Variants in SNTG1 observed in about 807,000 individuals in gnomAD.
The protein encoded by SNTG1 is gamma-1-syntrophin.
A neutral mutation model predicts 74.7 loss-of-function variants in SNTG1; 39 were observed. The observed-to-expected ratio is 0.52, with a 90% CI of 0.40 to 0.68. The LOEUF is 0.68. SNTG1 is among the 30% of genes least tolerant of loss of function. The pLI is 0.00. For synonymous variants in SNTG1, 254 were observed against 217.1 expected (o/e 1.17, Z -1.49); for missense variants, 685 against 609.5 (o/e 1.12, Z -1.30).
chr8:50,479,287 G>C (rs1263092190), intron 8 of SNTG1, among the ~76,000 whole-genome samples: 1 of 151,674 alleles, frequency 6.6e-6, no homozygotes, highest in Non-Finnish European at 1.5e-5. Flanking sequence ...GAATTTAATA[G>C]AACTTGGGCA....
At chr8:50,723,478 C>G (rs1162472279) in intron 17 of SNTG1, among the ~76,000 whole-genome samples, 1 of 152,112 alleles carries the variant, frequency 6.6e-6, no homozygotes, top group Non-Finnish European at 1.5e-5. Flanking sequence ...CATGCCTTCT[C>G]TAAAGTTGGG....
chr8:50,160,125 C>A (rs1307916519), intron 1 of SNTG1, among the ~76,000 whole-genome samples: 1 of 152,172 alleles, frequency 6.6e-6, no homozygotes, highest in African/African-American at 2.4e-5. Context: ...TGCTCTTGGG[C>A]ATTGCACTTA....
chr8:50,143,398 G>A (rs554342938), intron 1 of SNTG1, among the ~76,000 whole-genome samples: 8 of 152,222 alleles, frequency 5.3e-5, no homozygotes, highest in African/African-American at 1.4e-4. Flanking sequence ...ATGGAAATGG[G>A]GAATACAATT....
At chr8:50,388,714 T>C (rs186115442) in intron 2 of SNTG1, among the ~76,000 whole-genome samples, 3 of 152,330 alleles carry the variant, frequency 2.0e-5, no homozygotes, top group Middle Eastern at 6.8e-3. Flanking sequence ...AAACTCATGC[T>C]TGCTTCTGAG....
At chr8:50,273,986 A>G (rs987178793) in intron 2 of SNTG1, among the ~76,000 whole-genome samples, 5 of 152,102 alleles carry the variant, frequency 3.3e-5, no homozygotes, top group Admixed American at 3.3e-4. Context: ...TTAATTAAAT[A>G]TTTATCTAAT....
intron 17 of SNTG1, chr8:50,747,650 G>A (rs1427288718): frequency 1.3e-5 from 2 of 151,912 alleles, no homozygotes; most frequent in Middle Eastern, 3.4e-3. Flanking sequence ...TTTTGATCTT[G>A]TTTTAGTATT....
At chr8:50,742,757 G>GA (rs999369754) in intron 17 of SNTG1, among the ~76,000 whole-genome samples, 12 of 151,522 alleles carry the variant, frequency 7.9e-5, no homozygotes, top group Admixed American at 6.6e-4. Flanking sequence ...TTGGTTCCTT[G>GA]AAAAAATAAC....
intron 2 of SNTG1, among the ~76,000 whole-genome samples, chr8:50,370,298 C>T (rs758124032): frequency 1.8e-4 from 28 of 152,132 alleles, no homozygotes; most frequent in South Asian, 2.1e-4. Flanking sequence ...TACCACTCTG[C>T]GACTGGCTGA....
intron 8 of SNTG1, among the ~76,000 whole-genome samples, chr8:50,487,256 C>T (rs1354687542): frequency 6.6e-6 from 1 of 152,140 alleles, no homozygotes; most frequent in East Asian, 1.9e-4. Context: ...TAAACTAGTT[C>T]AACCATTGTG....
intron 13 of SNTG1, among the ~76,000 whole-genome samples, chr8:50,651,492 T>G (rs1290955333): frequency 6.6e-6 from 1 of 152,122 alleles, no homozygotes; most frequent in African/African-American, 2.4e-5. Flanking sequence ...ATTTTCGCTC[T>G]TGTTGCCCAG....
intron 1 of SNTG1, among the ~76,000 whole-genome samples, chr8:49,920,947 C>T (rs1050991485): frequency 2.6e-5 from 4 of 152,034 alleles, no homozygotes; most frequent in African/African-American, 9.7e-5. Flanking sequence ...GGTAAATGCT[C>T]ACATATGTAA....
At chr8:50,638,280 T>C (rs1480050693) in intron 13 of SNTG1, among the ~76,000 whole-genome samples, 1 of 152,104 alleles carries the variant, frequency 6.6e-6, no homozygotes, top group African/African-American at 2.4e-5. Context: ...AACTGTAAGA[T>C]AATACATTTG....
chr8:50,276,872 C>T (rs2088142244), intron 2 of SNTG1, among the ~76,000 whole-genome samples: 1 of 151,870 alleles, frequency 6.6e-6, no homozygotes, highest in African/African-American at 2.4e-5. Flanking sequence ...GAGTCTTGCT[C>T]CGTTGCCCAG....
intron 13 of SNTG1, among the ~76,000 whole-genome samples, chr8:50,599,797 T>A (rs1469752830): frequency 6.6e-6 from 1 of 152,178 alleles, no homozygotes; most frequent in Non-Finnish European, 1.5e-5. Context: ...ATGCTGTTTA[T>A]TTCTTTCTCT....
intron 18 of SNTG1, among the ~76,000 whole-genome samples, chr8:50,789,428 G>T (rs2095685092): frequency 6.6e-6 from 1 of 151,878 alleles, no homozygotes; most frequent in East Asian, 1.9e-4. Context: ...TTCTCATCCA[G>T]ACCACAGTGC....
chr8:50,666,753 A>T (rs1320099081), intron 15 of SNTG1, among the ~76,000 whole-genome samples: 3 of 152,104 alleles, frequency 2.0e-5, no homozygotes, highest in Non-Finnish European at 2.9e-5. Context: ...TCAAATTAAG[A>T]ATAGCTAAGA....
chr8:50,499,018 T>C (rs1407857035), intron 8 of SNTG1, among the ~76,000 whole-genome samples: 1 of 151,752 alleles, frequency 6.6e-6, no homozygotes, highest in African/African-American at 2.4e-5. Context: ...ATGATTATAG[T>C]TTCTTTATAT....
intron 12 of SNTG1, among the ~76,000 whole-genome samples, chr8:50,555,386 A>G (rs1258611645): frequency 6.6e-6 from 1 of 152,218 alleles, no homozygotes; most frequent in African/African-American, 2.4e-5. Context: ...GTTATTAGGC[A>G]TAGCAATAAA....
intron 1 of SNTG1, among the ~76,000 whole-genome samples, chr8:49,956,760 T>A (rs1028506098): frequency 6.6e-6 from 1 of 152,108 alleles, no homozygotes; most frequent in Non-Finnish European, 1.5e-5. Context: ...ATCCTTCATA[T>A]AAATAAAAGT....
Sources: allele counts gnomAD v4.1 joint callset (sites outside exome capture counted in the v4.1 genomes callset), GRCh38; gene constraint gnomAD v4.1.1; transcripts MANE v1.5; gene names NCBI Gene and HGNC (gene_info 2026-07-23, HGNC 2026-07-21).